The following KCNMA1 variants were observed in gnomAD, a reference collection of about 807,000 sequenced individuals.
The protein encoded by KCNMA1 is Calcium-activated potassium channel subunit alpha-1.
KCNMA1 carries 29 observed loss-of-function variants against 140.0 expected under a neutral mutation model. The ratio of observed to expected loss-of-function variants is 0.21; its 90% CI spans 0.15 to 0.28. The LOEUF is 0.28. Among genes scored for constraint, KCNMA1 ranks in the 10% least tolerant of loss-of-function variants. KCNMA1 has a pLI of 1.00. For missense variants in KCNMA1, 880 were observed against 1,602.2 expected (o/e 0.55, Z 7.70); for synonymous variants, 612 against 611.9 (o/e 1.00, Z 0.00).
chr10:77,508,582 T>TTTTTTTTTTTTTTTTTTTTTC (rs2047094544), intron 1 of KCNMA1, among the ~76,000 whole-genome samples: 1 of 43,542 alleles, frequency 2.3e-5, no homozygotes, highest in East Asian at 9.0e-4. Context: ...TTTTCTTTTC[T>TTTTTTTTTTTTTTTTTTTTTC]TTTTTTTTTT....
intron 1 of KCNMA1, chr10:77,636,953 G>A (rs1222052539): frequency 1.4e-6 from 2 of 1,412,946 alleles, no homozygotes; most frequent in East Asian, 2.7e-5. Flanking sequence ...CCGCACCACG[G>A]CACCCGAGCC....
At chr10:77,195,636 C>T (rs1318861426) in intron 3 of KCNMA1, among the ~76,000 whole-genome samples, 2 of 151,890 alleles carry the variant, frequency 1.3e-5, no homozygotes, top group Non-Finnish European at 2.9e-5. Flanking sequence ...TTAGGTTTCC[C>T]CTGCCCATGT....
At chr10:77,422,506 C>G (rs1003386525) in intron 1 of KCNMA1, among the ~76,000 whole-genome samples, 1 of 152,256 alleles carries the variant, frequency 6.6e-6, no homozygotes, top group Non-Finnish European at 1.5e-5. Flanking sequence ...CTTTCTCACA[C>G]TGGCAGTAGC....
chr10:77,616,856 C>T (rs946383398), intron 1 of KCNMA1, among the ~76,000 whole-genome samples: 1 of 151,396 alleles, frequency 6.6e-6, no homozygotes, highest in Admixed American at 6.6e-5. Flanking sequence ...AGGGCGTTTT[C>T]AGTATTATTT....
intron 19 of KCNMA1, among the ~76,000 whole-genome samples, chr10:77,000,518 C>A (rs2085893111): frequency 6.6e-6 from 1 of 152,094 alleles, no homozygotes; most frequent in South Asian, 2.1e-4. Context: ...TTGACAGGTT[C>A]TTTAACATCT....
chr10:77,538,358 GT>G (rs1343028455), intron 1 of KCNMA1, among the ~76,000 whole-genome samples: 1 of 152,130 alleles, frequency 6.6e-6, no homozygotes, highest in African/African-American at 2.4e-5. Context: ...CAGCACCCAG[GT>G]GAATCCACTG....
intron 20 of KCNMA1, among the ~76,000 whole-genome samples, chr10:76,960,646 T>TA (rs1554994026): frequency 7.1e-6 from 1 of 139,990 alleles, no homozygotes; most frequent in Non-Finnish European, 1.6e-5. Flanking sequence ...TTTTTTTTTT[T>TA]ACAAATTGAA....
chr10:76,961,849 G>A (rs868698035), intron 20 of KCNMA1, among the ~76,000 whole-genome samples: 1 of 152,188 alleles, frequency 6.6e-6, no homozygotes, highest in Non-Finnish European at 1.5e-5. Flanking sequence ...ACAGAAGAGT[G>A]TAAACCTAAC....
intron 1 of KCNMA1, among the ~76,000 whole-genome samples, chr10:77,434,413 A>G (rs892959672): frequency 6.6e-6 from 1 of 152,160 alleles, no homozygotes; most frequent in African/African-American, 2.4e-5. Flanking sequence ...TTCAGGAAGA[A>G]CACCATCCCT....
chr10:77,251,347 G>A (rs542462705), intron 2 of KCNMA1, 91 bp from the exon 3 acceptor site: 14 of 932,568 alleles, frequency 1.5e-5, no homozygotes, highest in African/African-American at 3.3e-5. Context: ...TTTGAAATAC[G>A]GTGCCCATTG....
intron 2 of KCNMA1, among the ~76,000 whole-genome samples, chr10:77,347,252 C>G (rs1478937372): frequency 6.6e-6 from 1 of 152,200 alleles, no homozygotes; most frequent in Non-Finnish European, 1.5e-5. Flanking sequence ...TGAACCCCAC[C>G]TACATTATGT....
intron 19 of KCNMA1, among the ~76,000 whole-genome samples, chr10:76,997,679 G>A (rs1450602758): frequency 3.3e-5 from 5 of 152,210 alleles, no homozygotes; most frequent in African/African-American, 7.2e-5. Flanking sequence ...GGAAGAAATC[G>A]TACTGATTGG....
At chr10:77,243,740 C>T (rs2057892082) in intron 3 of KCNMA1, among the ~76,000 whole-genome samples, 2 of 152,182 alleles carry the variant, frequency 1.3e-5, no homozygotes, top group South Asian at 4.1e-4. Flanking sequence ...ATGTGTTCAG[C>T]TCTTCAATGC....
At chr10:77,078,660 C>T (rs548242256) in intron 13 of KCNMA1, among the ~76,000 whole-genome samples, 1 of 152,350 alleles carries the variant, frequency 6.6e-6, no homozygotes, top group Admixed American at 6.5e-5. Flanking sequence ...GAAATCCTAT[C>T]ACTCACTTGC....
At chr10:77,326,340 T>C (rs543998820) in intron 2 of KCNMA1, among the ~76,000 whole-genome samples, 23 of 152,330 alleles carry the variant, frequency 1.5e-4, no homozygotes, top group African/African-American at 5.5e-4. Flanking sequence ...ACGTGGAACT[T>C]CATAACGGTA....
intron 1 of KCNMA1, among the ~76,000 whole-genome samples, chr10:77,581,862 G>A (rs1440858068): frequency 6.6e-6 from 1 of 152,224 alleles, no homozygotes; most frequent in Non-Finnish European, 1.5e-5. Context: ...CCTCAATGGA[G>A]GAAGACAGCT....
At chr10:77,306,738 G>C (rs145262413) in intron 2 of KCNMA1, among the ~76,000 whole-genome samples, 535 of 152,274 alleles carry the variant, frequency 3.5e-3, no homozygotes, top group Admixed American at 9.3e-3. Flanking sequence ...TATTGCAGTT[G>C]TCTACACAAG....
chr10:76,941,069 AAAAG>A lies in KCNMA1; in HGVS notation c.2902+3700_2902+3703del, dbSNP rs1329843319. 1.9e-4 allele frequency among the ~76,000 whole-genome samples: 13 copies of A among 68,808 alleles called. No homozygotes were observed. The South Asian group carries it at 2.6e-3, about 14-fold the overall frequency. 45.1% of individuals were successfully genotyped at this position (68,808 alleles called of 152,430 possible). A position where few individuals can be genotyped will look rare whatever the true frequency, so the allele number is the denominator to read the frequency against. On this transcript the variant is annotated intron_variant, in intron 23 of 27. Transcript: ENST00000286628. ...AGAAAGAAAGAGAAAGAAAGAAAGA[AAAAG>A]AAAGAAAGAAAGAGAAAGAAAGAAA...
chr10:77,300,879 G>A lies in KCNMA1; in HGVS notation c.541-49623C>T, dbSNP rs75384956. Among the ~76,000 whole-genome samples, 934 of 152,288 alleles carry A rather than the reference G, an allele frequency of 6.1e-3. 9 individuals carry two copies. The highest frequency in any genetic ancestry group is 0.021 in the African/African-American group (881 of 41,552). ...CAGATCCTTAGGGAGCATCCAACAA[G>A]TGGTTCTGAGCCCGAGCTGCTCACA... On this transcript the variant is annotated intron_variant, in intron 2 of 27. Coordinates refer to ENST00000286628, the MANE Select transcript of KCNMA1 (RefSeq NM_001161352.2).
Sources: gnomAD v4.1 joint callset for allele counts (sites outside exome capture counted in the v4.1 genomes callset) on GRCh38, gnomAD v4.1.1 for gene constraint, MANE v1.5 for transcripts, NCBI Gene and HGNC (gene_info 2026-07-23, HGNC 2026-07-21) for gene names.